The following PRXL2C variants were observed in gnomAD, a reference collection of about 807,000 sequenced individuals.
PRXL2C encodes the protein peroxiredoxin like 2C.
PRXL2C carries 38 observed loss-of-function variants against 24.9 expected under a neutral mutation model. The ratio of observed to expected loss-of-function variants is 1.53; its 90% CI spans 1.18 to 2.00. PRXL2C has a LOEUF of 2.00. Ranked by LOEUF, PRXL2C falls within the 30% of genes most tolerant of loss-of-function variation. The pLI is 0.00. For missense variants in PRXL2C, 294 were observed against 290.9 expected, an observed-to-expected ratio of 1.01 and a Z score of -0.08; for synonymous variants, 98 against 117.2, an observed-to-expected ratio of 0.84 and a Z score of 1.06.
In PRXL2C at chr9:96,655,317, C is replaced by G. The variant is rs1848341352; in HGVS notation, c.-36G>C. ...GGCCGAGGGCCTGGGTCCGCTCTGT[C>G]AGCGCGGACCGGGGCGGGGCGCGCA... On this transcript the variant is annotated 5_prime_UTR_variant, in exon 1 of 6. Transcript: ENST00000375234. 9.7e-7 allele frequency: 1 copy of G among 1,028,096 alleles called. No homozygotes were observed. The highest frequency in any genetic ancestry group is 1.2e-6 in the Non-Finnish European group (1 of 856,066). The allele number at this position is 1,028,096 out of a possible 1,614,324, so 63.7% of individuals were successfully genotyped here.
At position 96,647,696 on chromosome 9, in the gene PRXL2C, A is replaced by T. The variant is rs181971202; in HGVS notation, c.422-1672T>A. ...TGCCACCAATCCTGGCTAATTAAAA[A>T]TTTTTTTTTGTTGTTGAGATGGGGT... On this transcript the variant is annotated intron_variant, in intron 4 of 5. Coordinates refer to ENST00000375234, the MANE Select transcript of PRXL2C (RefSeq NM_153698.2). 5.5e-3 allele frequency among the ~76,000 whole-genome samples: 840 copies of T among 151,464 alleles called. 6 individuals carry two copies. The highest frequency in any genetic ancestry group is 8.4e-3 in the South Asian group (40 of 4,786).
chr9:96,644,870 C>T (rs1017424214), intron 5 of PRXL2C, among the ~76,000 whole-genome samples: 2 of 120,786 alleles, frequency 1.7e-5, no homozygotes, highest in East Asian at 3.0e-4. Flanking sequence ...GTATAAATAA[C>T]TACATGGATT....
In PRXL2C at chr9:96,641,700, C is replaced by G. The variant is rs1848117477; in HGVS notation, c.*59G>C. 9.5e-6 allele frequency: 14 copies of G among 1,475,500 alleles called. No homozygotes were observed. The South Asian group carries it at 2.0e-4, about 21-fold the overall frequency. 91.4% of individuals were successfully genotyped at this position (1,475,500 alleles called of 1,614,324 possible). A position where few individuals can be genotyped will look rare whatever the true frequency, so the allele number is the denominator to read the frequency against. On this transcript the variant is annotated 3_prime_UTR_variant, in exon 6 of 6. Coordinates refer to ENST00000375234, the MANE Select transcript of PRXL2C (RefSeq NM_153698.2). ...AGACACTGCACGAGGATATTACACC[C>G]AGGCATTGAAGGTCACATTCCAGAA...
chr9:96,641,758 G>A lies in PRXL2C; in HGVS notation c.*1C>T, dbSNP rs138737168. On this transcript the variant is annotated 3_prime_UTR_variant, in exon 6 of 6. Transcript: ENST00000375234. ...TTGAAAGTGACTGAGTGCATTTTAA[G>A]TCACACATGGATAACTGAAGGTCTG... 7.3e-4 allele frequency: 1,146 copies of A among 1,561,432 alleles called. 9 individuals carry two copies. The African/African-American group carries it at 8.7e-3, about 12-fold the overall frequency.
At chr9:96,645,222 G>A (rs1293404992) in intron 5 of PRXL2C, among the ~76,000 whole-genome samples, 2 of 150,610 alleles carry the variant, frequency 1.3e-5, no homozygotes, top group Admixed American at 1.3e-4. Flanking sequence ...TTCTTTTCTT[G>A]AAAAAAAAGG....
At chr9:96,643,961 T>C (rs7866622) in intron 5 of PRXL2C, among the ~76,000 whole-genome samples, 149,381 of 151,810 alleles carry the variant, frequency 0.98, 73,505 homozygotes, top group East Asian at 1. Flanking sequence ...GGTGAAACCT[T>C]GCCTCTACTA....
chr9:96,648,014 C>T (rs1209025836), intron 4 of PRXL2C, among the ~76,000 whole-genome samples: 2 of 152,164 alleles, frequency 1.3e-5, no homozygotes, highest in Non-Finnish European at 2.9e-5. Flanking sequence ...AATCGATTCT[C>T]CCACCTCAGC....
intron 4 of PRXL2C, among the ~76,000 whole-genome samples, chr9:96,648,464 TATATA>T (rs551487144): frequency 4.4e-4 from 67 of 152,028 alleles, no homozygotes; most frequent in Middle Eastern, 3.4e-3. Context: ...AAATTATAAT[TATATA>T]ATATATTTTT....
intron 4 of PRXL2C, among the ~76,000 whole-genome samples, chr9:96,649,256 C>T (rs1017974922): frequency 6.6e-6 from 1 of 151,610 alleles, no homozygotes; most frequent in Non-Finnish European, 1.5e-5. Context: ...AAGTTTAGGT[C>T]TTTTTCTTTA....
At chr9:96,647,876 A>G (rs956729436) in intron 4 of PRXL2C, among the ~76,000 whole-genome samples, 2 of 151,980 alleles carry the variant, frequency 1.3e-5, no homozygotes, top group African/African-American at 4.8e-5. Flanking sequence ...AAATGCTCAG[A>G]AATCCAAACT....
intron 2 of PRXL2C, among the ~76,000 whole-genome samples, chr9:96,654,175 C>T (rs1308958708): frequency 6.6e-6 from 1 of 152,154 alleles, no homozygotes; most frequent in African/African-American, 2.4e-5. Context: ...TTTTCACATC[C>T]TGATTGACAA....
rs1848267028 is a variant in PRXL2C at position 96,651,678 on chromosome 9, G to A, written c.296C>T (p.Ser99Leu). The change falls in exon 3 of 6, where the codon TCA becomes TTA. Residue 99 changes from serine (S) to leucine (L), a missense_variant. Transcript: ENST00000375234. ...ANVTLIVIGQSSYHHIEPFCK... is the reference protein window; with the variant it reads ...ANVTLIVIGQLSYHHIEPFCK... The stretch of plus-strand genomic sequence containing the variant: ...ATTTACCTCAATATGATGGTAGGAT[G>A]ACTGTCCAATCACTATAAGGGTGAC... 2.5e-6 allele frequency: 4 copies of A among 1,610,602 alleles called. No individual in the cohort carries two copies. Among genetic ancestry groups the A allele is most frequent in the African/African-American group, 2.7e-5 (2 of 74,886 alleles).
chr9:96,653,083 G>A (rs201254919), intron 2 of PRXL2C, among the ~76,000 whole-genome samples: 5 of 152,096 alleles, frequency 3.3e-5, no homozygotes, highest in East Asian at 1.9e-4. Flanking sequence ...AAAATTAGCC[G>A]GGCGTGGTGG....
At chr9:96,648,130 T>C (rs957191670) in intron 4 of PRXL2C, among the ~76,000 whole-genome samples, 1 of 152,092 alleles carries the variant, frequency 6.6e-6, no homozygotes, top group African/African-American at 2.4e-5. Context: ...CTCGAACTCC[T>C]ACACTCAAGA....
chr9:96,645,288 T>C (rs1848181802), intron 5 of PRXL2C, among the ~76,000 whole-genome samples: 2 of 151,906 alleles, frequency 1.3e-5, no homozygotes, highest in Admixed American at 6.6e-5. Flanking sequence ...CATTCCTAAA[T>C]AGCGGAGTGT....
chr9:96,655,142 AC>A lies in PRXL2C; in HGVS notation c.139del (p.Val47TyrfsTer29). ...LPVLDARGQRVPFGALFRERR... is the reference protein window; with the variant it reads ...LPVLDARGQRXPFGALFRERR... ...CTCCCGGAACAGCGCGCCGAACGGT[AC>A]CCGCTGCCCGCGGGCGTCCAGCACC... On this transcript the variant is annotated frameshift_variant, in exon 1 of 6. Transcript: ENST00000375234. LOFTEE classifies it high-confidence loss of function. 2 of 1,340,884 alleles carry A rather than the reference AC, an allele frequency of 1.5e-6. No homozygotes were observed. Among genetic ancestry groups the A allele is most frequent in the Non-Finnish European group, 1.9e-6 (2 of 1,051,402 alleles). 83.1% of individuals were successfully genotyped at this position (1,340,884 alleles called of 1,614,324 possible).
Position 96,641,528 on chromosome 9 carries a change from ATTTT to A in PRXL2C, c.*227_*230del, listed in dbSNP as rs145187742. The A allele has an allele frequency of 3.0e-6, 1 of 329,688 alleles. No individual in the cohort carries two copies. The highest frequency in any genetic ancestry group is 5.4e-6 in the Non-Finnish European group (1 of 184,068). The allele number at this position is 329,688 out of a possible 1,614,324, so 20.4% of individuals were successfully genotyped here. ...TTTTAAAGTTATATTTTGTATATTC[ATTTT>A]TTTTGTATAAAATGTTAAAAGTTAT... On this transcript the variant is annotated 3_prime_UTR_variant, in exon 6 of 6. Transcript: ENST00000375234.
At position 96,652,904 on chromosome 9, in the gene PRXL2C, T is replaced by A. The variant is rs372964913; in HGVS notation, c.262-1192A>T. 2.4e-4 allele frequency among the ~76,000 whole-genome samples: 37 copies of A among 152,318 alleles called. 1 individual carries two copies. In the East Asian group the frequency reaches 6.2e-3, roughly 25 times the overall value. On this transcript the variant is annotated intron_variant, in intron 2 of 5. Transcript: ENST00000375234. ...ACAACACCAAGATATAGAAGCAACCTCAGTGTTCAACAATGGATAAATATA... is the reference window on the plus strand; with the variant it reads ...ACAACACCAAGATATAGAAGCAACCACAGTGTTCAACAATGGATAAATATA...
In PRXL2C at chr9:96,651,730, G is replaced by C; in HGVS notation, c.262-18C>G. ...TTTGCTTCCTTAGGAGAAAAAAAAGGACATGTATATATCATTAGAAATTAT... is the reference window on the plus strand; with the variant it reads ...TTTGCTTCCTTAGGAGAAAAAAAAGCACATGTATATATCATTAGAAATTAT... On this transcript the variant is annotated intron_variant, in intron 2 of 5. Transcript: ENST00000375234. 6.3e-7 allele frequency: 1 copy of C among 1,593,092 alleles called. No individual in the cohort carries two copies. The highest frequency in any genetic ancestry group is 1.3e-5 in the African/African-American group (1 of 74,364).
Sources: allele counts gnomAD v4.1 joint callset (sites outside exome capture counted in the v4.1 genomes callset), GRCh38; gene constraint gnomAD v4.1.1; transcripts MANE v1.5; gene names NCBI Gene and HGNC (gene_info 2026-07-23, HGNC 2026-07-21).